Variants in KCNC4 observed in about 807,000 individuals in gnomAD.
KCNC4 encodes the protein voltage-gated potassium channel KCNC4.
Under a neutral mutation model 42.8 loss-of-function variants are expected in KCNC4, and 23 were observed. The observed-to-expected ratio is 0.54, with a 90% CI of 0.39 to 0.76. KCNC4 has a LOEUF of 0.76. Ranked by LOEUF, KCNC4 falls within the 30% of genes least tolerant of loss-of-function variation. KCNC4 has a pLI of 0.00. For synonymous variants in KCNC4, 422 were observed against 393.5 expected, an observed-to-expected ratio of 1.07 and a Z score of -0.86; for missense variants, 751 against 898.2, an observed-to-expected ratio of 0.84 and a Z score of 2.10.
At chr1:110,251,398 G>T (rs1055872904), downstream of KCNC4, among the ~76,000 whole-genome samples, 3 of 152,148 alleles carry the variant, frequency 2.0e-5, no homozygotes, top group Non-Finnish European at 4.4e-5. Context: ...TTTTATAAAG[G>T]GGAGTTCCCC....
chr1:110,255,736 C>T (rs568732449), intron 1 of KCNC4, among the ~76,000 whole-genome samples: 130 of 152,334 alleles, frequency 8.5e-4, no homozygotes, highest in Non-Finnish European at 1.1e-3. Context: ...CAAGAAGCTT[C>T]TCAGATGGCC....
intron 3 of KCNC4, chr1:110,232,602 G>A: frequency 6.9e-7 from 1 of 1,439,472 alleles, no homozygotes; most frequent in South Asian, 1.5e-5. Context: ...GAACAGGTAT[G>A]GCGATGAGCT....
intron 1 of KCNC4, among the ~76,000 whole-genome samples, chr1:110,259,159 G>T (rs1225899069): frequency 6.6e-6 from 1 of 152,192 alleles, no homozygotes; most frequent in Non-Finnish European, 1.5e-5. Flanking sequence ...GCCAAAGGCT[G>T]GGCCCAGGCA....
chr1:110,252,803 T>G (rs1392649459), downstream of KCNC4, among the ~76,000 whole-genome samples: 2 of 152,192 alleles, frequency 1.3e-5, no homozygotes, highest in Non-Finnish European at 2.9e-5. Context: ...AGGAAGCTAG[T>G]GAGTTGCAGA....
At chr1:110,241,887 T>C (rs1659041152) in exon 4 of KCNC4, 1 of 152,270 alleles carries the variant, frequency 6.6e-6, no homozygotes, top group South Asian at 2.1e-4. Context: ...GCTTTCCTTA[T>C]TAATGTTTTT....
At chr1:110,264,611 T>C (rs1385222660) in intron 1 of KCNC4, among the ~76,000 whole-genome samples, 2 of 152,224 alleles carry the variant, frequency 1.3e-5, no homozygotes, top group Non-Finnish European at 2.9e-5. Context: ...AACATGACTT[T>C]AACTTCCTTG....
At chr1:110,221,776 T>C (rs1658106706) in intron 1 of KCNC4, 1 of 152,218 alleles carries the variant, frequency 6.6e-6, no homozygotes, top group South Asian at 2.1e-4. Context: ...CTCAGCCGTC[T>C]GGTCAAGGAG....
intron 1 of KCNC4, among the ~76,000 whole-genome samples, chr1:110,218,081 T>G (rs2100998176): frequency 6.6e-6 from 1 of 152,230 alleles, no homozygotes; most frequent in South Asian, 2.1e-4. Context: ...CTCCTTATGT[T>G]TATCTGTCCA....
chr1:110,232,784 C>G, intron 3 of KCNC4, 127 bp from the exon 4 acceptor site: 1 of 1,540,980 alleles, frequency 6.5e-7, no homozygotes, highest in Middle Eastern at 2.2e-4. Flanking sequence ...AGCTGGCTTC[C>G]TTCTAACGTC....
rs1658800264 is a variant in KCNC4, at chr1:110,233,245, G to A, written c.*273G>A. On this transcript the variant is annotated 3_prime_UTR_variant, in exon 4 of 4. Transcript: ENST00000438661. ...GTGTGTAGTGCACGTGCTATTGGTG[G>A]TTTGTCTTCTTTGTTAGGCTGTGTC... The A allele has an allele frequency of 1.8e-6, 1 of 553,082 alleles. No homozygotes were observed. The highest frequency in any genetic ancestry group is 3.2e-6 in the Non-Finnish European group (1 of 311,180). 34.3% of individuals were successfully genotyped at this position (553,082 alleles called of 1,614,324 possible).
exon 4 of KCNC4, chr1:110,240,973 C>G (rs1346607238): frequency 1.3e-5 from 2 of 152,430 alleles, no homozygotes; most frequent in Middle Eastern, 3.4e-3. Context: ...CACTGCCCCC[C>G]TGGAAAATTG....
At position 110,223,895 on chromosome 1, in the gene KCNC4, G is replaced by T; in HGVS notation, c.1610G>T (p.Arg537Leu). ...AREEGMIERK[R>L]ADSKQNGDAN... ...GAAGAGGGTATGATCGAGAGGAAAC[G>T]GGCAGGTGAGATTAGGGGTTGGGAA... is the stretch of plus-strand genomic sequence containing the variant. The change falls in exon 2 of 4, where the codon CGG (arginine) becomes CTG (leucine). Residue 537 changes from arginine to leucine, a missense_variant. By Grantham distance (102) the Arg-to-Leu change is moderately radical. Around this residue, in one of 4 missense-constraint regions of KCNC4, gnomAD observed 202 missense variants for 181.5 expected, o/e 1.11. Transcript: ENST00000438661. This position sits in a 1 kb window ranked among gnomAD's most constrained non-coding sequence, Gnocchi z 7.5. 1.3e-6 allele frequency: 2 copies of T among 1,587,784 alleles called. No individual in the cohort carries two copies. Among genetic ancestry groups the T allele is most frequent in the Non-Finnish European group, 1.7e-6 (2 of 1,164,432 alleles).
rs1276177669 is a variant in KCNC4, at chr1:110,210,768, C to G, written c.-732C>G. 6.6e-6 allele frequency among the ~76,000 whole-genome samples: 1 copy of G among 151,742 alleles called. No homozygotes were observed. Among genetic ancestry groups the G allele is most frequent in the Non-Finnish European group, 1.5e-5 (1 of 67,908 alleles). ...AGCCGCGGACGCAGGACCCGAGGCT[C>G]GCTCCTGCGGGCGCGCTTGTTTTCC... On this transcript the variant is annotated 5_prime_UTR_variant, in exon 1 of 4. Transcript: ENST00000438661.
intron 3 of KCNC4, chr1:110,232,424 T>C: frequency 6.7e-7 from 1 of 1,497,816 alleles, no homozygotes; most frequent in East Asian, 2.5e-5. Context: ...GGGGGAGAGC[T>C]CAAGTTGGTC....
chr1:110,264,503 C>T (rs1329460256), intron 1 of KCNC4, among the ~76,000 whole-genome samples: 1 of 152,026 alleles, frequency 6.6e-6, no homozygotes, highest in Non-Finnish European at 1.5e-5. Flanking sequence ...TATCTGAGGT[C>T]GATATGCCAG....
In KCNC4 at chr1:110,225,443, G is replaced by A. The variant is rs1658334661; in HGVS notation, c.1616-532G>A. ...ACAAAGGTCAGCCCTAATTGCGGAGGGCTCTAGGTCTTTTGGGCACAGGAC... is the reference window on the plus strand; with the variant it reads ...ACAAAGGTCAGCCCTAATTGCGGAGAGCTCTAGGTCTTTTGGGCACAGGAC... On this transcript the variant is annotated intron_variant, in intron 2 of 3. Transcript: ENST00000438661. 3 of 152,644 alleles carry A rather than the reference G, an allele frequency of 2.0e-5. No homozygotes were observed. The South Asian group carries it at 6.2e-4, about 32-fold the overall frequency. The allele number at this position is 152,644 out of a possible 1,614,324, so 9.5% of individuals were successfully genotyped here. A position where few individuals can be genotyped will look rare whatever the true frequency, so the allele number is the denominator to read the frequency against.
exon 4 of KCNC4, chr1:110,248,826 G>T (rs1659202115): frequency 6.6e-6 from 1 of 152,206 alleles, no homozygotes; most frequent in Non-Finnish European, 1.5e-5. Flanking sequence ...TGAATAAGAA[G>T]CACTTGTTTA....
At chr1:110,234,591 T>C (rs2101046856), downstream of KCNC4, 1 of 152,330 alleles carries the variant, frequency 6.6e-6, no homozygotes, top group East Asian at 1.9e-4. Flanking sequence ...CTCACTGTTG[T>C]TATCCCTCTC....
intron 1 of KCNC4, among the ~76,000 whole-genome samples, chr1:110,263,106 C>T (rs1659482021): frequency 1.3e-5 from 2 of 152,190 alleles, no homozygotes; most frequent in Admixed American, 6.5e-5. Flanking sequence ...TGCTGTGGTT[C>T]TAGAATGGCT....
Sources: allele counts gnomAD v4.1 joint callset (sites outside exome capture counted in the v4.1 genomes callset), GRCh38; gene constraint gnomAD v4.1.1; regional missense constraint gnomAD v4.1.1; non-coding constraint Gnocchi (gnomAD v3.1); transcripts MANE v1.5; gene names NCBI Gene and HGNC (gene_info 2026-07-23, HGNC 2026-07-21).